Variants in PCDH7 observed in about 807,000 individuals in gnomAD.
PCDH7 encodes protocadherin 7.
Under a neutral mutation model 58.9 loss-of-function variants are expected in PCDH7, and 17 were observed. That is an observed-to-expected ratio of 0.29 (90% CI 0.20 to 0.43). PCDH7 has a LOEUF of 0.43. Ranked by LOEUF, PCDH7 falls within the 20% of genes least tolerant of loss-of-function variation. PCDH7 has a pLI of 1.00. For synonymous variants in PCDH7, 664 were observed against 616.4 expected, an observed-to-expected ratio of 1.08 and a Z score of -1.14; for missense variants, 1,274 against 1,441.0, an observed-to-expected ratio of 0.88 and a Z score of 1.88.
intron 3 of PCDH7, among the ~76,000 whole-genome samples, chr4:31,140,738 T>C (rs1720150911): frequency 6.6e-6 from 1 of 152,114 alleles, no homozygotes; most frequent in Non-Finnish European, 1.5e-5. Flanking sequence ...AATTTGATTA[T>C]TATAATGCAT....
intron 1 of PCDH7, among the ~76,000 whole-genome samples, chr4:30,788,494 C>T (rs995373782): frequency 6.6e-6 from 1 of 151,714 alleles, no homozygotes; most frequent in African/African-American, 2.4e-5. Context: ...AATTATAAGC[C>T]AACAAACTGT....
At chr4:30,781,292 C>G (rs1722745511) in intron 1 of PCDH7, among the ~76,000 whole-genome samples, 1 of 151,740 alleles carries the variant, frequency 6.6e-6, no homozygotes, top group African/African-American at 2.4e-5. Context: ...AGGTGCCCAC[C>G]ACCACGCCTG....
intron 1 of PCDH7, among the ~76,000 whole-genome samples, chr4:30,906,819 T>G (rs1740993066): frequency 6.6e-6 from 1 of 152,022 alleles, no homozygotes. Flanking sequence ...GGTCAGGAGT[T>G]TGACACCAGG....
chr4:31,121,795 G>T (rs1243114727), intron 3 of PCDH7, among the ~76,000 whole-genome samples: 1 of 152,046 alleles, frequency 6.6e-6, no homozygotes, highest in Non-Finnish European at 1.5e-5. Context: ...ATAGTAACTT[G>T]GTGATTCATC....
intron 3 of PCDH7, chr4:30,987,867 G>A (rs1296397434): frequency 6.6e-6 from 1 of 151,922 alleles, no homozygotes. Flanking sequence ...TTCTTATTAG[G>A]GCAATTTAGG....
At chr4:30,940,194 T>C (rs759465842) in intron 2 of PCDH7, among the ~76,000 whole-genome samples, 12 of 152,036 alleles carry the variant, frequency 7.9e-5, no homozygotes, top group Non-Finnish European at 1.3e-4. Context: ...CTTCCAAGAA[T>C]TAGGTTTTAA....
chr4:31,016,867 C>G (rs1753653509), intron 3 of PCDH7, among the ~76,000 whole-genome samples: 1 of 131,412 alleles, frequency 7.6e-6, no homozygotes, highest in East Asian at 2.2e-4. Flanking sequence ...TGTGTGTGTG[C>G]TGAGTGTGTG....
chr4:30,879,169 C>T (rs974447493), intron 1 of PCDH7, among the ~76,000 whole-genome samples: 1 of 151,956 alleles, frequency 6.6e-6, no homozygotes, highest in African/African-American at 2.4e-5. Context: ...TTTCCTCCCT[C>T]CCTCCCTTTA....
At chr4:31,018,967 T>C (rs1369153151) in intron 3 of PCDH7, among the ~76,000 whole-genome samples, 1 of 152,204 alleles carries the variant, frequency 6.6e-6, no homozygotes, top group African/African-American at 2.4e-5. Context: ...AAGCTTAAGA[T>C]AAATAGGCAC....
intron 3 of PCDH7, among the ~76,000 whole-genome samples, chr4:30,956,477 A>G (rs1269331224): frequency 2.0e-5 from 3 of 152,184 alleles, no homozygotes; most frequent in Non-Finnish European, 4.4e-5. Context: ...CATTTGTGGA[A>G]TTCACTTCTT....
chr4:30,895,515 A>C (rs779387096), intron 1 of PCDH7, among the ~76,000 whole-genome samples: 12 of 152,092 alleles, frequency 7.9e-5, no homozygotes, highest in Non-Finnish European at 1.5e-4. Context: ...CCCTACCTGC[A>C]CTCTCATCAT....
intron 1 of PCDH7, among the ~76,000 whole-genome samples, chr4:30,850,495 C>A (rs1217577936): frequency 6.6e-6 from 1 of 152,052 alleles, no homozygotes; most frequent in Non-Finnish European, 1.5e-5. Context: ...GTGACTTACC[C>A]TGAATCCATT....
chr4:30,947,958 G>T (rs955570331), intron 2 of PCDH7, among the ~76,000 whole-genome samples: 3 of 151,976 alleles, frequency 2.0e-5, no homozygotes, highest in Admixed American at 6.6e-5. Context: ...AACATGCGGT[G>T]TTTAACTTTC....
exon 2 of PCDH7, chr4:30,731,864 TAGAAAATAGCC>T (rs1715554181): frequency 7.6e-5 from 1 of 13,230 alleles, no homozygotes; most frequent in Non-Finnish European, 1.5e-4. Flanking sequence ...TTTATGAGCC[TAGAAAATAGCC>T]TAGAAAATAA....
intron 3 of PCDH7, among the ~76,000 whole-genome samples, chr4:31,070,417 C>G (rs1758449848): frequency 6.6e-6 from 1 of 152,010 alleles, no homozygotes; most frequent in African/African-American, 2.4e-5. Flanking sequence ...ATACGACTGA[C>G]TTTTTGTTTA....
chr4:30,960,170 G>C (rs376997474), intron 3 of PCDH7, among the ~76,000 whole-genome samples: 2 of 146,994 alleles, frequency 1.4e-5, no homozygotes, highest in East Asian at 4.2e-4. Flanking sequence ...AGGGAGGGAG[G>C]GAGGAAGAAA....
chr4:30,733,013 TC>T (rs1715739879), downstream of PCDH7: 1 of 152,120 alleles, frequency 6.6e-6, no homozygotes, highest in Non-Finnish European at 1.5e-5. Context: ...AGATTCCCAG[TC>T]CCCCTTCCCC....
At chr4:30,820,648 A>G (rs750428861) in intron 1 of PCDH7, among the ~76,000 whole-genome samples, 6 of 152,130 alleles carry the variant, frequency 3.9e-5, no homozygotes, top group Non-Finnish European at 8.8e-5. Context: ...GAGAATATGT[A>G]GGTCACAACC....
Position 30,723,013 on chromosome 4 carries a change from A to G in PCDH7, c.1591A>G (p.Asn531Asp). 1 of 1,613,868 alleles carries G rather than the reference A, an allele frequency of 6.2e-7. No individual in the cohort carries two copies. Among genetic ancestry groups the G allele is most frequent in the Non-Finnish European group, 8.5e-7 (1 of 1,180,030 alleles). Residue 531 changes from asparagine (N) to aspartate (D), a missense_variant, in exon 1 of 2, where the codon AAC becomes GAC. Asn to Asp is a conservative substitution (Grantham distance 23). This residue lies in a region of PCDH7 where 731 missense variants were observed against 881.9 expected (regional missense o/e 0.83). Transcript: ENST00000361762. This position sits in a 1 kb window ranked among gnomAD's most constrained non-coding sequence, Gnocchi z 4.6. ...TGTCAAGGTGGGAGACACCAACGAC[A>G]ACCCGCCCATGTTCGGCCAGTCGGT...
Sources: allele counts gnomAD v4.1 joint callset (sites outside exome capture counted in the v4.1 genomes callset), GRCh38; gene constraint gnomAD v4.1.1; regional missense constraint gnomAD v4.1.1; non-coding constraint Gnocchi (gnomAD v3.1); transcripts MANE v1.5; gene names NCBI Gene and HGNC (gene_info 2026-07-23, HGNC 2026-07-21).